HMCN1: variants seen among roughly 807,000 people sequenced by gnomAD.
HMCN1 encodes hemicentin 1.
In HMCN1, 321 loss-of-function variants were observed where a neutral mutation model predicts 625.9. That is an observed-to-expected ratio of 0.51 (90% CI 0.47 to 0.56). The LOEUF is 0.56. Ranked by LOEUF, HMCN1 falls within the 20% of genes least tolerant of loss-of-function variation. The pLI, the probability that HMCN1 is intolerant of heterozygous loss-of-function variation, is 0.00. For missense variants in HMCN1, 6,588 were observed against 6,887.3 expected (o/e 0.96, Z 1.54); for synonymous variants, 2,425 against 2,417.6 (o/e 1.00, Z -0.09).
At chr1:186,066,497 C>T (rs1183101731) in intron 49 of HMCN1, among the ~76,000 whole-genome samples, 2 of 152,152 alleles carry the variant, frequency 1.3e-5, no homozygotes. Flanking sequence ...CTTACACCCT[C>T]GACCCTGTAT....
At chr1:185,736,284 C>T (rs1394584450) in intron 1 of HMCN1, among the ~76,000 whole-genome samples, 1 of 151,956 alleles carries the variant, frequency 6.6e-6, no homozygotes, top group Non-Finnish European at 1.5e-5. Flanking sequence ...ACATACATTA[C>T]ATATATGTAA....
At position 186,111,130 on chromosome 1, in the gene HMCN1, A is replaced by G. The variant is rs897919062; in HGVS notation, c.10990-1682A>G. ...CAAGTAGCTGGGACTACAGGCACCCACCACCAGGCCCGGCTACTTTTTTGT... is the reference window on the plus strand; with the variant it reads ...CAAGTAGCTGGGACTACAGGCACCCGCCACCAGGCCCGGCTACTTTTTTGT... On this transcript the variant is annotated intron_variant, in intron 71 of 106. Transcript: ENST00000271588. Among the ~76,000 whole-genome samples the G allele has an allele frequency of 3.3e-5, 5 of 149,682 alleles. 1 individual carries two copies. Among genetic ancestry groups the G allele is most frequent in the South Asian group, 4.2e-4 (2 of 4,722 alleles).
intron 2 of HMCN1, among the ~76,000 whole-genome samples, chr1:185,862,140 CAGCTT>C (rs1405993131): frequency 6.6e-6 from 1 of 152,036 alleles, no homozygotes; most frequent in East Asian, 1.9e-4. Context: ...AAAAGAATCT[CAGCTT>C]AAAGGGAGCA....
At chr1:186,122,379 GA>G (rs1300561343) in intron 80 of HMCN1, among the ~76,000 whole-genome samples, 1 of 152,170 alleles carries the variant, frequency 6.6e-6, no homozygotes, top group Admixed American at 6.6e-5. Context: ...TAAACACTTG[GA>G]AAGGAAATCC....
At position 185,987,673 on chromosome 1, in the gene HMCN1, T is replaced by C. The variant is rs1432552684; in HGVS notation, c.3048+129T>C. 1.2e-5 allele frequency: 9 copies of C among 750,740 alleles called. No homozygotes were observed. The Admixed American group carries it at 1.3e-4, about 11-fold the overall frequency. 46.5% of individuals were successfully genotyped at this position (750,740 alleles called of 1,614,324 possible). ...GAAGATAAGTTAATAAAGGATTTCC[T>C]ATGTGGCTGGACAGATGTGCTAGGA... is the stretch of plus-strand genomic sequence containing the variant. On this transcript the variant is annotated intron_variant, in intron 20 of 106. Coordinates refer to ENST00000271588, the MANE Select transcript of HMCN1 (RefSeq NM_031935.3).
At chr1:186,150,718 A>G (rs1650611680) in intron 93 of HMCN1, among the ~76,000 whole-genome samples, 1 of 152,126 alleles carries the variant, frequency 6.6e-6, no homozygotes, top group African/African-American at 2.4e-5. Flanking sequence ...GCAGATCCAC[A>G]TTCAGATCCT....
In HMCN1 at chr1:186,069,651, A is replaced by G. The variant is rs368321766; in HGVS notation, c.7880-12A>G. 14 of 1,582,666 alleles carry G rather than the reference A, an allele frequency of 8.8e-6. No homozygotes were observed. Among genetic ancestry groups the G allele is most frequent in the Non-Finnish European group, 1.1e-5 (13 of 1,153,750 alleles). On this transcript the variant is annotated splice_polypyrimidine_tract_variant and intron_variant, in intron 50 of 106. Transcript: ENST00000271588. ...GATTTTAGAGACTCTTTGATGTCCC[A>G]TGATTTTACAGGAGGCAGAACTCTG... is the stretch of plus-strand genomic sequence containing the variant.
At chr1:186,156,944 T>C (rs1309999288) in intron 97 of HMCN1, among the ~76,000 whole-genome samples, 1 of 152,166 alleles carries the variant, frequency 6.6e-6, no homozygotes, top group Non-Finnish European at 1.5e-5. Context: ...TGAAAAGTAC[T>C]GTATGAGCCA....
At chr1:185,825,863 C>G (rs1317346469) in intron 1 of HMCN1, among the ~76,000 whole-genome samples, 1 of 152,070 alleles carries the variant, frequency 6.6e-6, no homozygotes, top group Non-Finnish European at 1.5e-5. Context: ...TTACATATTA[C>G]TAGTGGTTTA....
intron 58 of HMCN1, 133 bp from the exon 59 acceptor site, chr1:186,087,084 T>C (rs1391808127): frequency 3.3e-5 from 23 of 687,544 alleles, no homozygotes; most frequent in East Asian, 3.2e-4. Flanking sequence ...AATTATTTTA[T>C]TTTAAATAGG....
chr1:185,973,945 T>C (rs1266929593), intron 15 of HMCN1, among the ~76,000 whole-genome samples: 1 of 152,128 alleles, frequency 6.6e-6, no homozygotes, highest in Non-Finnish European at 1.5e-5. Context: ...CTGACTAAAA[T>C]AATGCAAGAG....
intron 30 of HMCN1, among the ~76,000 whole-genome samples, chr1:186,009,014 C>T (rs1266044567): frequency 6.6e-6 from 1 of 152,074 alleles, no homozygotes; most frequent in East Asian, 1.9e-4. Context: ...CATGAAAAGA[C>T]ATGTTCTCTA....
At chr1:186,119,141 T>C (rs772930173) in intron 77 of HMCN1, 50 bp from the exon 78 acceptor site, 1 of 1,354,744 alleles carries the variant, frequency 7.4e-7, no homozygotes, top group East Asian at 2.3e-5. Context: ...TTTATTGAAC[T>C]AAAAAAACTG....
At position 186,090,885 on chromosome 1, in the gene HMCN1, G is replaced by C. The variant is rs1209916860; in HGVS notation, c.9855G>C (p.Lys3285Asn). Residue 3285 changes from lysine (K) to asparagine (N), a missense_variant, in exon 64 of 107, where the codon AAG becomes AAC. Transcript: ENST00000271588. ...TPLIQWLKDG[K>N]PIASGETERI... ...TTATTCAATGGCTTAAAGATGGAAAGCCCATAGCTAGTGGTGAAACAGAAA... is the reference window on the plus strand; with the variant it reads ...TTATTCAATGGCTTAAAGATGGAAACCCCATAGCTAGTGGTGAAACAGAAA... 7.4e-6 allele frequency: 12 copies of C among 1,612,366 alleles called. No individual in the cohort carries two copies. In the Admixed American group the frequency reaches 2.0e-4, roughly 27 times the overall value.
Position 186,035,970 on chromosome 1 carries a change from A to T in HMCN1, c.5750-1964A>T, listed in dbSNP as rs28403177. On this transcript the variant is annotated intron_variant, in intron 36 of 106. Transcript: ENST00000271588. ...TGAGGAGGACATATTAAAATATGCC[A>T]CTTTTAGAGTTTTTGAATTTTTCTT... 6.3e-3 allele frequency among the ~76,000 whole-genome samples: 958 copies of T among 152,204 alleles called. 13 individuals are homozygous for T. Among genetic ancestry groups the T allele is most frequent in the African/African-American group, 0.022 (893 of 41,524 alleles).
rs368904569 is a variant in HMCN1 at position 186,106,910 on chromosome 1, T to C, written c.10797T>C (p.Cys3599=). ...AQVEDTGRYT[C]LASSPAGDDD... ...TGGAGGATACAGGAAGATATACATGTCTGGCATCCAGTCCTGCAGGAGATG... is the reference window on the plus strand; with the variant it reads ...TGGAGGATACAGGAAGATATACATGCCTGGCATCCAGTCCTGCAGGAGATG... The change falls in exon 70 of 107, where the codon TGT becomes TGC. Residue 3599 remains cysteine, a synonymous_variant. Coordinates refer to ENST00000271588, the MANE Select transcript of HMCN1 (RefSeq NM_031935.3). The C allele has an allele frequency of 3.9e-5, 63 of 1,612,352 alleles. No individual in the cohort carries two copies. Among genetic ancestry groups the C allele is most frequent in the Non-Finnish European group, 5.3e-5 (63 of 1,178,494 alleles).
At chr1:186,119,140 C>G (rs2102485484) in intron 77 of HMCN1, 51 bp from the exon 78 acceptor site, 1 of 1,337,420 alleles carries the variant, frequency 7.5e-7, no homozygotes, top group East Asian at 2.3e-5. Flanking sequence ...TTTTATTGAA[C>G]TAAAAAAACT....
Position 186,049,129 on chromosome 1 carries a change from C to G in HMCN1, c.6577+290C>G, listed in dbSNP as rs557339323. ...GCATCTCGTAATGATTGGGCCTTCT[C>G]TAGTAACTACTGGTGGGTTCGTCAA... is the stretch of plus-strand genomic sequence containing the variant. On this transcript the variant is annotated intron_variant, in intron 42 of 106. Transcript: ENST00000271588. Among the ~76,000 whole-genome samples the G allele has an allele frequency of 3.4e-4, 51 of 152,088 alleles. 1 individual carries two copies. The highest frequency in any genetic ancestry group is 1.2e-3 in the African/African-American group (48 of 41,520).
chr1:186,077,352 G>T (rs1420622103), intron 54 of HMCN1, among the ~76,000 whole-genome samples: 2 of 152,074 alleles, frequency 1.3e-5, no homozygotes, highest in Non-Finnish European at 2.9e-5. Flanking sequence ...AATGAAATTT[G>T]ATTATGGACT....
Sources: allele counts gnomAD v4.1 joint callset (sites outside exome capture counted in the v4.1 genomes callset), GRCh38; gene constraint gnomAD v4.1.1; transcripts MANE v1.5; gene names NCBI Gene and HGNC (gene_info 2026-07-23, HGNC 2026-07-21).